The following MDGA2 variants were observed in gnomAD, a reference collection of about 807,000 sequenced individuals.
The protein encoded by MDGA2 is MAM domain containing glycosylphosphatidylinositol anchor 2.
Under a neutral mutation model 117.8 loss-of-function variants are expected in MDGA2, and 40 were observed. The ratio of observed to expected loss-of-function variants is 0.34; its 90% confidence interval spans 0.26 to 0.44. The LOEUF (loss-of-function observed/expected upper bound fraction) is 0.44, where lower values mean the gene tolerates loss of function less well. Ranked by LOEUF, MDGA2 falls within the 20% of genes least tolerant of loss-of-function variation. The pLI, the probability that MDGA2 is intolerant of heterozygous loss-of-function variation, is 1.00. For missense variants in MDGA2, 1,123 were observed against 1,250.6 expected, an observed-to-expected ratio of 0.90 and a Z score of 1.54; for synonymous variants, 452 against 439.0, an observed-to-expected ratio of 1.03 and a Z score of -0.37.
At chr14:47,355,293 G>A (rs1029691948) in intron 1 of MDGA2, among the ~76,000 whole-genome samples, 10 of 152,238 alleles carry the variant, frequency 6.6e-5, no homozygotes, top group Admixed American at 2.0e-4. Context: ...CCTCTCTCCC[G>A]GAGAAAGGCC....
intron 1 of MDGA2, among the ~76,000 whole-genome samples, chr14:47,374,754 T>C (rs1445135735): frequency 6.6e-6 from 1 of 152,122 alleles, no homozygotes; most frequent in Non-Finnish European, 1.5e-5. Flanking sequence ...TGTTATTATT[T>C]AGAATTAGAA....
Position 47,158,476 on chromosome 14 carries a change from T to C in MDGA2, c.596-14202A>G, listed in dbSNP as rs563871147. Among the ~76,000 whole-genome samples, 449 of 126,442 alleles carry C rather than the reference T, an allele frequency of 3.6e-3. 2 individuals are homozygous for C. The highest frequency in any genetic ancestry group is 0.014 in the African/African-American group (435 of 31,614). 83.0% of individuals were successfully genotyped at this position (126,442 alleles called of 152,430 possible). ...TCATATAACACTTTTTTGATACTTA[T>C]AGCAGCCTTTTTTTTTTTTTCTGAG... On this transcript the variant is annotated intron_variant, in intron 3 of 16. Transcript: ENST00000399232.
At chr14:46,897,740 T>A (rs1024591493) in intron 10 of MDGA2, among the ~76,000 whole-genome samples, 3 of 140,052 alleles carry the variant, frequency 2.1e-5, no homozygotes, top group Non-Finnish European at 4.8e-5. Flanking sequence ...TGGTTGCAAT[T>A]GGTACATGTG....
At chr14:46,996,971 T>C in intron 8 of MDGA2, 1 of 401,986 alleles carries the variant, frequency 2.5e-6, no homozygotes. Flanking sequence ...GGGAATAGCT[T>C]CATGCCAGGA....
At chr14:46,928,867 G>A (rs1006261121) in intron 9 of MDGA2, among the ~76,000 whole-genome samples, 1 of 152,094 alleles carries the variant, frequency 6.6e-6, no homozygotes, top group African/African-American at 2.4e-5. Context: ...TCTGGAAAAT[G>A]TTTTCTATAA....
chr14:47,559,463 A>T (rs1252287548), intron 1 of MDGA2, among the ~76,000 whole-genome samples: 1 of 152,068 alleles, frequency 6.6e-6, no homozygotes, highest in Admixed American at 6.6e-5. Context: ...GTGTATATGC[A>T]TCACATTTTC....
intron 1 of MDGA2, among the ~76,000 whole-genome samples, chr14:47,438,409 A>T (rs1211022968): frequency 6.6e-6 from 1 of 152,150 alleles, no homozygotes; most frequent in Non-Finnish European, 1.5e-5. Flanking sequence ...TTGATAGGCA[A>T]ACTCTGTGTT....
chr14:47,553,511 C>A (rs1895626338), intron 1 of MDGA2, among the ~76,000 whole-genome samples: 1 of 151,912 alleles, frequency 6.6e-6, no homozygotes, highest in Admixed American at 6.6e-5. Context: ...CTAATTTTTT[C>A]AAATAATAGT....
intron 10 of MDGA2, among the ~76,000 whole-genome samples, chr14:46,907,238 A>T (rs1273306253): frequency 1.3e-5 from 2 of 152,242 alleles, no homozygotes; most frequent in East Asian, 1.9e-4. Flanking sequence ...TTGGCCTCCC[A>T]AAGTGCTGGG....
At position 47,311,933 on chromosome 14, in the gene MDGA2, G is replaced by A. The variant is rs1401712712; in HGVS notation, c.281-10383C>T. Among the ~76,000 whole-genome samples the A allele has an allele frequency of 2.0e-5, 3 of 151,914 alleles. 1 individual carries two copies. The highest frequency in any genetic ancestry group is 4.2e-4 in the South Asian group (2 of 4,818). On this transcript the variant is annotated intron_variant, in intron 1 of 16. Coordinates refer to ENST00000399232, the MANE Select transcript of MDGA2 (RefSeq NM_001113498.3). The stretch of plus-strand genomic sequence containing the variant: ...TCCTTTGTGTCTTTGGGGATTTGGG[G>A]AGCAAGAATAGAATACAGAAAAAGA...
At chr14:47,451,985 T>C (rs935388823) in intron 1 of MDGA2, among the ~76,000 whole-genome samples, 2 of 152,096 alleles carry the variant, frequency 1.3e-5, no homozygotes, top group Admixed American at 6.6e-5. Context: ...TTTTGAGGGA[T>C]GCCATTATGG....
chr14:47,265,913 G>T (rs1328311580), intron 2 of MDGA2, among the ~76,000 whole-genome samples: 2 of 152,028 alleles, frequency 1.3e-5, no homozygotes, highest in Non-Finnish European at 2.9e-5. Flanking sequence ...TACCACATAA[G>T]ATATACAGAA....
At chr14:47,376,875 T>A (rs1308610577) in intron 1 of MDGA2, among the ~76,000 whole-genome samples, 1 of 152,134 alleles carries the variant, frequency 6.6e-6, no homozygotes, top group Non-Finnish European at 1.5e-5. Context: ...GGGCACAAAC[T>A]TTCCAAAAGA....
intron 1 of MDGA2, among the ~76,000 whole-genome samples, chr14:47,305,789 T>G (rs1225527722): frequency 3.9e-5 from 6 of 152,146 alleles, no homozygotes; most frequent in Non-Finnish European, 8.8e-5. Flanking sequence ...GATAATTGAA[T>G]AGGATAGACA....
At chr14:47,505,776 T>C (rs561263280) in intron 1 of MDGA2, among the ~76,000 whole-genome samples, 1 of 152,342 alleles carries the variant, frequency 6.6e-6, no homozygotes, top group East Asian at 1.9e-4. Context: ...TATGGAATAA[T>C]TCATAATCTA....
chr14:46,938,540 C>CAAAAAAAAAAAAAAA (rs71112472), intron 9 of MDGA2, among the ~76,000 whole-genome samples: 45 of 26,978 alleles, frequency 1.7e-3, no homozygotes, highest in African/African-American at 3.0e-3. Flanking sequence ...AAATCCATCT[C>CAAAAAAAAAAAAAAA]AAAAAAAAAA....
chr14:47,271,652 A>G (rs1888147491), intron 2 of MDGA2, among the ~76,000 whole-genome samples: 1 of 151,918 alleles, frequency 6.6e-6, no homozygotes, highest in Non-Finnish European at 1.5e-5. Context: ...TGAATAAGTC[A>G]TTTAAGCTAC....
At chr14:47,293,422 C>T (rs1888954539) in intron 2 of MDGA2, among the ~76,000 whole-genome samples, 1 of 152,122 alleles carries the variant, frequency 6.6e-6, no homozygotes, top group East Asian at 1.9e-4. Context: ...ACACTCTAGA[C>T]CCACATTACC....
chr14:47,399,945 C>A (rs2068988), intron 1 of MDGA2, among the ~76,000 whole-genome samples: 1 of 151,926 alleles, frequency 6.6e-6, no homozygotes, highest in African/African-American at 2.4e-5. Context: ...TATAATTAAG[C>A]AGTGACACCT....
Sources: allele counts gnomAD v4.1 joint callset (sites outside exome capture counted in the v4.1 genomes callset), GRCh38; gene constraint gnomAD v4.1.1; transcripts MANE v1.5; gene names NCBI Gene and HGNC (gene_info 2026-07-23, HGNC 2026-07-21).